Variants in CACNA1A observed in about 807,000 individuals in gnomAD.
CACNA1A encodes the protein voltage-dependent P/Q-type calcium channel subunit alpha-1A.
Under a neutral mutation model 262.4 loss-of-function variants are expected in CACNA1A, and 57 were observed. That is an observed-to-expected ratio of 0.22 (90% CI 0.18 to 0.27). The LOEUF (loss-of-function observed/expected upper bound fraction) is 0.27, where lower values mean the gene tolerates loss of function less well. Among genes scored for constraint, CACNA1A ranks in the 10% least tolerant of loss-of-function variants. The pLI is 1.00. For synonymous variants in CACNA1A, 1,431 were observed against 1,419.3 expected (o/e 1.01, Z -0.18); for missense variants, 2,526 against 3,562.8 (o/e 0.71, Z 7.41).
At chr19:13,255,924 CTCCT>C (rs1351655923) in intron 28 of CACNA1A, among the ~76,000 whole-genome samples, 1 of 140,720 alleles carries the variant, frequency 7.1e-6, no homozygotes, top group Non-Finnish European at 1.5e-5. Flanking sequence ...TCTTCCCTAT[CTCCT>C]TCCTTCCCTC....
intron 11 of CACNA1A, chr19:13,316,552 T>TAAAAAAAAAA (rs74266770): frequency 8.4e-6 from 1 of 119,162 alleles, no homozygotes; most frequent in East Asian, 2.4e-4. Flanking sequence ...TAACTGTGGT[T>TAAAAAAAAAA]AAAAAAAAAA....
intron 24 of CACNA1A, among the ~76,000 whole-genome samples, chr19:13,270,031 C>T (rs934339948): frequency 1.3e-5 from 2 of 152,182 alleles, no homozygotes; most frequent in Non-Finnish European, 2.9e-5. Flanking sequence ...CGCAGCCCTG[C>T]CAGGCCTCAA....
chr19:13,360,756 C>T (rs1203261173), intron 5 of CACNA1A, among the ~76,000 whole-genome samples: 5 of 152,292 alleles, frequency 3.3e-5, no homozygotes, highest in Middle Eastern at 6.8e-3. Context: ...GGATTACAGG[C>T]GTGAGCCACT....
intron 45 of CACNA1A, 78 bp downstream of exon 45, chr19:13,209,234 T>C (rs2144504684): frequency 1.4e-6 from 2 of 1,410,034 alleles, no homozygotes; most frequent in East Asian, 2.5e-5. Flanking sequence ...TCTTCCTTAG[T>C]GTCTCCTCCG....
chr19:13,400,981 C>T (rs2059891004), intron 3 of CACNA1A, among the ~76,000 whole-genome samples: 1 of 152,180 alleles, frequency 6.6e-6, no homozygotes, highest in South Asian at 2.1e-4. Context: ...CCCACCGCCA[C>T]ACCCAGCTAA....
chr19:13,367,805 C>T (rs540710231), intron 4 of CACNA1A, among the ~76,000 whole-genome samples: 2 of 152,198 alleles, frequency 1.3e-5, no homozygotes, highest in African/African-American at 4.8e-5. Context: ...CATCTGAAGA[C>T]CTAAATCTGG....
At chr19:13,468,569 T>C (rs928190733) in intron 1 of CACNA1A, among the ~76,000 whole-genome samples, 2 of 152,176 alleles carry the variant, frequency 1.3e-5, no homozygotes, top group Non-Finnish European at 2.9e-5. Flanking sequence ...GCCGGATCAC[T>C]TCAGATCAGG....
In CACNA1A at chr19:13,207,287, CCGGG is replaced by C; in HGVS notation, c.*22_*25del. 1 of 1,529,210 alleles carries C rather than the reference CCGGG, an allele frequency of 6.5e-7. No homozygotes were observed. The highest frequency in any genetic ancestry group is 8.7e-7 in the Non-Finnish European group (1 of 1,144,238). The allele number at this position is 1,529,210 out of a possible 1,614,324, so 94.7% of individuals were successfully genotyped here. Reference sequence around the variant, plus strand: ...GTGTGTGCGTGGGGTGCGTGGGGGGCCGGGCGGGCGCCACCTCGCCCGGGCTTAG... The same window carrying C: ...GTGTGTGCGTGGGGTGCGTGGGGGGCCGGGCGCCACCTCGCCCGGGCTTAG... On this transcript the variant is annotated 3_prime_UTR_variant, in exon 47 of 47. Transcript: ENST00000360228. This position sits in a 1 kb window ranked among gnomAD's most constrained non-coding sequence, Gnocchi z 5.7.
intron 31 of CACNA1A, among the ~76,000 whole-genome samples, chr19:13,242,958 CAGG>C (rs1415428016): frequency 6.6e-6 from 1 of 152,208 alleles, no homozygotes; most frequent in Non-Finnish European, 1.5e-5. Flanking sequence ...TCCTGCCAGC[CAGG>C]AGAACAGGCT....
intron 1 of CACNA1A, among the ~76,000 whole-genome samples, chr19:13,494,358 A>C (rs552936244): frequency 1.5e-4 from 23 of 152,354 alleles, no homozygotes; most frequent in African/African-American, 3.8e-4. Context: ...TTGGGCTGAG[A>C]CCTAAATGAA....
chr19:13,332,837 A>G (rs778600334), intron 9 of CACNA1A, 32 bp downstream of exon 9: 13 of 1,513,576 alleles, frequency 8.6e-6, no homozygotes, highest in African/African-American at 1.4e-5. Context: ...CTCCCCTGGG[A>G]CCCACCCCTG....
chr19:13,334,065 G>T, intron 8 of CACNA1A: 2 of 278,556 alleles, frequency 7.2e-6, no homozygotes, highest in Non-Finnish European at 1.4e-5. Flanking sequence ...CACTACCATC[G>T]CCTCCATGTA....
chr19:13,450,581 A>G (rs1487000162), intron 3 of CACNA1A: 1 of 152,024 alleles, frequency 6.6e-6, no homozygotes, highest in African/African-American at 2.4e-5. Context: ...GGATTTTTCT[A>G]TTTTGTTTAC....
At chr19:13,477,311 A>T (rs537560807) in intron 1 of CACNA1A, among the ~76,000 whole-genome samples, 7 of 152,290 alleles carry the variant, frequency 4.6e-5, no homozygotes, top group African/African-American at 1.7e-4. Context: ...ATAATCTTCT[A>T]AAGTACTATG....
At chr19:13,382,245 C>T (rs78594578) in intron 3 of CACNA1A, among the ~76,000 whole-genome samples, 2,693 of 152,214 alleles carry the variant, frequency 0.018, 31 homozygotes, top group South Asian at 0.036. Context: ...GAGCTCATGT[C>T]CGGGGAGGCA....
At chr19:13,454,000 C>T (rs563217298) in intron 2 of CACNA1A, among the ~76,000 whole-genome samples, 1 of 152,018 alleles carries the variant, frequency 6.6e-6, no homozygotes, top group African/African-American at 2.4e-5. Flanking sequence ...ACACTGTTTC[C>T]TGGTGTACAG....
intron 1 of CACNA1A, among the ~76,000 whole-genome samples, chr19:13,503,062 A>G (rs1196171177): frequency 6.6e-6 from 1 of 152,162 alleles, no homozygotes; most frequent in Admixed American, 6.6e-5. Flanking sequence ...GAACTGTGGG[A>G]AAAAAATAAT....
Position 13,216,828 on chromosome 19 carries a change from C to T in CACNA1A, c.5732-2220G>A, listed in dbSNP as rs1215003639. Among the ~76,000 whole-genome samples the T allele has an allele frequency of 3.9e-5, 6 of 152,056 alleles. No individual in the cohort carries two copies. In the East Asian group the frequency reaches 1.2e-3, roughly 29 times the overall value. ...ACAGTCAGAATGTCACTGTGGGCTGCTATTTGGATATGCTAACTGGGTTTA... is the reference window on the plus strand; with the variant it reads ...ACAGTCAGAATGTCACTGTGGGCTGTTATTTGGATATGCTAACTGGGTTTA... On this transcript the variant is annotated intron_variant, in intron 38 of 46. Coordinates refer to ENST00000360228, the MANE Select transcript of CACNA1A (RefSeq NM_001127222.2).
intron 3 of CACNA1A, among the ~76,000 whole-genome samples, chr19:13,406,275 G>A (rs1030060862): frequency 2.0e-5 from 3 of 151,316 alleles, no homozygotes; most frequent in African/African-American, 7.3e-5. Flanking sequence ...GCCAACATAG[G>A]TGAATCCCTG....
Sources: allele counts gnomAD v4.1 joint callset (sites outside exome capture counted in the v4.1 genomes callset), GRCh38; gene constraint gnomAD v4.1.1; non-coding constraint Gnocchi (gnomAD v3.1); transcripts MANE v1.5; gene names NCBI Gene and HGNC (gene_info 2026-07-23, HGNC 2026-07-21).